The following ARHGAP10 variants were observed in gnomAD, a reference collection of about 807,000 sequenced individuals.
The protein encoded by ARHGAP10 is rho GTPase-activating protein 10.
Under a neutral mutation model 108.6 loss-of-function variants are expected in ARHGAP10, and 87 were observed. That is an observed-to-expected ratio of 0.80 (90% CI 0.67 to 0.96). ARHGAP10 has a LOEUF of 0.96. ARHGAP10 is among the 40% of genes least tolerant of loss of function. The pLI is 0.00. For missense variants in ARHGAP10, 939 were observed against 954.5 expected (o/e 0.98, Z 0.21); for synonymous variants, 347 against 341.1 (o/e 1.02, Z -0.19).
intron 18 of ARHGAP10, among the ~76,000 whole-genome samples, chr4:147,970,948 C>T (rs1157036910): frequency 6.6e-6 from 1 of 151,980 alleles, no homozygotes; most frequent in East Asian, 1.9e-4. Flanking sequence ...CAAGAATTAG[C>T]CAGGCGTGGT....
chr4:147,934,493 G>A (rs993805565), intron 13 of ARHGAP10, among the ~76,000 whole-genome samples: 31 of 152,192 alleles, frequency 2.0e-4, no homozygotes, highest in African/African-American at 7.0e-4. Context: ...TCCTCTATCC[G>A]TTAACGCTTT....
At chr4:147,758,497 C>T (rs1729468014) in intron 1 of ARHGAP10, among the ~76,000 whole-genome samples, 1 of 151,980 alleles carries the variant, frequency 6.6e-6, no homozygotes, top group East Asian at 1.9e-4. Flanking sequence ...AAGCCTGTCC[C>T]CTTTTGGCTA....
In ARHGAP10 at chr4:147,914,556, TCCCC is replaced by T. The variant is rs33937677; in HGVS notation, c.1228+1426_1228+1429del. 2.5e-5 allele frequency among the ~76,000 whole-genome samples: 3 copies of T among 120,108 alleles called. No individual in the cohort carries two copies. In the South Asian group the frequency reaches 8.2e-4, roughly 33 times the overall value. The allele number at this position is 120,108 out of a possible 152,430, so 78.8% of individuals were successfully genotyped here. A position where few individuals can be genotyped will look rare whatever the true frequency, so the allele number is the denominator to read the frequency against. The stretch of plus-strand genomic sequence containing the variant: ...TTTTTTAATTACGCATGTTCTGCGC[TCCCC>T]CCCCCCCCTTTTTTTTTTTAACATC... On this transcript the variant is annotated intron_variant, in intron 13 of 22. Transcript: ENST00000336498.
intron 10 of ARHGAP10, among the ~76,000 whole-genome samples, chr4:147,906,121 G>A (rs1454436171): frequency 1.3e-5 from 2 of 151,996 alleles, no homozygotes; most frequent in Admixed American, 6.6e-5. Context: ...TTTTCTTAAC[G>A]CTCCTCTGCC....
chr4:147,993,054 C>T (rs1740339866), intron 18 of ARHGAP10, among the ~76,000 whole-genome samples: 1 of 152,200 alleles, frequency 6.6e-6, no homozygotes, highest in African/African-American at 2.4e-5. Context: ...AATATCTTAC[C>T]TATGCATACC....
chr4:147,946,543 C>A, intron 14 of ARHGAP10, 74 bp from the exon 15 acceptor site: 3 of 1,282,180 alleles, frequency 2.3e-6, no homozygotes, highest in Non-Finnish European at 3.3e-6. Context: ...AAAATGGAAG[C>A]TTTGTGAGCT....
intron 3 of ARHGAP10, among the ~76,000 whole-genome samples, chr4:147,825,812 C>T (rs1019810183): frequency 5.3e-5 from 8 of 152,068 alleles, no homozygotes; most frequent in African/African-American, 1.7e-4. Context: ...TTGTACTTCC[C>T]TGGCATCCTG....
intron 15 of ARHGAP10, among the ~76,000 whole-genome samples, chr4:147,951,012 C>T (rs973812673): frequency 1.3e-5 from 2 of 152,054 alleles, no homozygotes; most frequent in Admixed American, 6.5e-5. Flanking sequence ...AAAAACATGT[C>T]GGGTGGGAGG....
chr4:147,965,394 TG>T (rs1362732602), intron 17 of ARHGAP10, among the ~76,000 whole-genome samples: 1 of 152,274 alleles, frequency 6.6e-6, no homozygotes, highest in Non-Finnish European at 1.5e-5. Flanking sequence ...ACACAGATTC[TG>T]GAAGTGTGAA....
intron 1 of ARHGAP10, 35 bp downstream of exon 1, chr4:147,732,490 G>C (rs1055051231): frequency 6.2e-7 from 1 of 1,605,044 alleles, no homozygotes; most frequent in Admixed American, 1.7e-5. Flanking sequence ...GGGCTGCGGC[G>C]TGGCGAGGCG....
chr4:147,910,198 G>T lies in ARHGAP10; in HGVS notation c.1162+421G>T, dbSNP rs114419241. 4.8e-3 allele frequency among the ~76,000 whole-genome samples: 723 copies of T among 151,710 alleles called. 5 individuals are homozygous for T. Among genetic ancestry groups the T allele is most frequent in the African/African-American group, 0.017 (688 of 41,362 alleles). On this transcript the variant is annotated intron_variant, in intron 12 of 22. Transcript: ENST00000336498. ...AATTGTTTTTATTTTTAATTTTTTT[G>T]TTGTTGTTGAGATGGGATCTTGCTA...
chr4:147,867,672 T>C (rs1291378449), intron 7 of ARHGAP10, among the ~76,000 whole-genome samples: 2 of 152,094 alleles, frequency 1.3e-5, no homozygotes, highest in Non-Finnish European at 2.9e-5. Flanking sequence ...GAGACCATGC[T>C]GGCCAACATG....
chr4:147,885,537 C>A lies in ARHGAP10; in HGVS notation c.1034+3605C>A, dbSNP rs973538664. Among the ~76,000 whole-genome samples, 68 of 152,308 alleles carry A rather than the reference C, an allele frequency of 4.5e-4. 1 individual carries two copies. The highest frequency in any genetic ancestry group is 1.5e-3 in the African/African-American group (62 of 41,566). Reference sequence around the variant, plus strand: ...TCAAGTTGAGACTTGGGTGGGGACACAGCCAAACCATATCAGTCATGTTGA... The same window carrying A: ...TCAAGTTGAGACTTGGGTGGGGACAAAGCCAAACCATATCAGTCATGTTGA... On this transcript the variant is annotated intron_variant, in intron 10 of 22. Coordinates refer to ENST00000336498, the MANE Select transcript of ARHGAP10 (RefSeq NM_024605.4).
intron 13 of ARHGAP10, among the ~76,000 whole-genome samples, chr4:147,935,027 GAATA>G (rs373307853): frequency 7.7e-4 from 117 of 152,310 alleles, no homozygotes; most frequent in African/African-American, 2.6e-3. Context: ...CATATCTGAT[GAATA>G]AATATATGAC....
intron 18 of ARHGAP10, among the ~76,000 whole-genome samples, chr4:148,003,526 A>G (rs1277238886): frequency 1.3e-5 from 2 of 152,262 alleles, no homozygotes; most frequent in East Asian, 3.9e-4. Context: ...AAAGTCTCCC[A>G]TTATTATTGT....
chr4:147,792,036 G>C (rs1048150040), intron 1 of ARHGAP10, among the ~76,000 whole-genome samples: 2 of 152,196 alleles, frequency 1.3e-5, no homozygotes, highest in Non-Finnish European at 2.9e-5. Flanking sequence ...GGGACATCAC[G>C]TGAGAGTAGA....
intron 1 of ARHGAP10, among the ~76,000 whole-genome samples, chr4:147,813,123 T>C (rs542427776): frequency 1.3e-5 from 2 of 152,210 alleles, no homozygotes; most frequent in African/African-American, 4.8e-5. Context: ...CATGGATTGG[T>C]TTCTGCCTTT....
chr4:147,919,874 C>T (rs1179989226), intron 13 of ARHGAP10, among the ~76,000 whole-genome samples: 1 of 152,124 alleles, frequency 6.6e-6, no homozygotes, highest in African/African-American at 2.4e-5. Flanking sequence ...GCCACTGTAC[C>T]TGGCCTTAAA....
At chr4:147,901,768 GT>G (rs1265824656) in intron 10 of ARHGAP10, among the ~76,000 whole-genome samples, 3 of 152,048 alleles carry the variant, frequency 2.0e-5, no homozygotes, top group African/African-American at 7.2e-5. Flanking sequence ...TTATTTCTGT[GT>G]TTTAGGTTAC....
Sources: allele counts gnomAD v4.1 joint callset (sites outside exome capture counted in the v4.1 genomes callset), GRCh38; gene constraint gnomAD v4.1.1; transcripts MANE v1.5; gene names NCBI Gene and HGNC (gene_info 2026-07-23, HGNC 2026-07-21).